Variants in SYT6 observed in about 807,000 individuals in gnomAD.
SYT6 encodes the protein synaptotagmin-6.
Under a neutral mutation model 38.4 loss-of-function variants are expected in SYT6, and 24 were observed. The ratio of observed to expected loss-of-function variants is 0.62; its 90% CI spans 0.45 to 0.88. SYT6 has a LOEUF of 0.88. Among genes scored for constraint, SYT6 ranks in the 40% least tolerant of loss-of-function variants. SYT6 has a pLI of 0.00. For synonymous variants in SYT6, 265 were observed against 241.9 expected (o/e 1.10, Z -0.89); for missense variants, 611 against 621.0 (o/e 0.98, Z 0.17).
intron 3 of SYT6, among the ~76,000 whole-genome samples, chr1:114,116,585 G>A (rs1677010183): frequency 6.6e-6 from 1 of 152,202 alleles, no homozygotes; most frequent in Non-Finnish European, 1.5e-5. Context: ...TCTTGGGAGA[G>A]TTGAAGGTGT....
intron 3 of SYT6, among the ~76,000 whole-genome samples, chr1:114,104,670 A>G (rs1192014323): frequency 1.3e-5 from 2 of 151,840 alleles, no homozygotes; most frequent in African/African-American, 4.8e-5. Flanking sequence ...GAGGCCCTCC[A>G]TCCATCCATC....
At chr1:114,118,919 TCA>T (rs1677177461) in intron 3 of SYT6, among the ~76,000 whole-genome samples, 2 of 152,240 alleles carry the variant, frequency 1.3e-5, no homozygotes, top group South Asian at 4.2e-4. Context: ...CAGCGAGAAA[TCA>T]CAGATTCCTG....
chr1:114,102,644 C>T (rs1676038050), intron 4 of SYT6, among the ~76,000 whole-genome samples: 1 of 151,996 alleles, frequency 6.6e-6, no homozygotes, highest in South Asian at 2.1e-4. Context: ...AATATATTCC[C>T]AGCTAAGTTC....
intron 1 of SYT6, among the ~76,000 whole-genome samples, chr1:114,145,174 A>C (rs1198040416): frequency 3.1e-4 from 47 of 152,356 alleles, no homozygotes; most frequent in East Asian, 3.9e-4. Flanking sequence ...ATAATCTTTA[A>C]AAGAAATCAA....
chr1:114,115,455 C>T (rs571228993), intron 3 of SYT6, among the ~76,000 whole-genome samples: 17 of 148,692 alleles, frequency 1.1e-4, no homozygotes, highest in Admixed American at 4.7e-4. Context: ...CTCGCTCTGT[C>T]GCCCAGGCTG....
intron 4 of SYT6, among the ~76,000 whole-genome samples, chr1:114,100,793 A>G (rs1272947267): frequency 1.3e-5 from 2 of 152,246 alleles, no homozygotes; most frequent in Non-Finnish European, 2.9e-5. Context: ...ACAGATGGGC[A>G]GAGCTAGCCC....
At chr1:114,107,227 G>T (rs995180488) in intron 3 of SYT6, among the ~76,000 whole-genome samples, 11 of 152,206 alleles carry the variant, frequency 7.2e-5, no homozygotes, top group Non-Finnish European at 1.0e-4. Flanking sequence ...GGTCCCTCGG[G>T]GTAAACAGCA....
intron 3 of SYT6, among the ~76,000 whole-genome samples, chr1:114,115,977 G>A (rs888010854): frequency 1.3e-5 from 2 of 152,106 alleles, no homozygotes; most frequent in African/African-American, 4.8e-5. Flanking sequence ...GGGCTGCCGA[G>A]GACCGTGTAG....
At chr1:114,112,025 G>A (rs1027101195) in intron 3 of SYT6, among the ~76,000 whole-genome samples, 4 of 152,126 alleles carry the variant, frequency 2.6e-5, no homozygotes, top group Non-Finnish European at 4.4e-5. Flanking sequence ...TGTGACGCTC[G>A]GGGCTTCCTG....
intron 3 of SYT6, among the ~76,000 whole-genome samples, chr1:114,124,035 A>C (rs1677576484): frequency 6.6e-6 from 1 of 152,202 alleles, no homozygotes; most frequent in South Asian, 2.1e-4. Context: ...GACTTGCAGA[A>C]CTGGGAGGGT....
chr1:114,112,485 G>T (rs1384347303), intron 3 of SYT6, among the ~76,000 whole-genome samples: 1 of 152,234 alleles, frequency 6.6e-6, no homozygotes, highest in Non-Finnish European at 1.5e-5. Flanking sequence ...ATATCCGTGA[G>T]TCAGAACACA....
intron 3 of SYT6, among the ~76,000 whole-genome samples, chr1:114,133,874 G>A (rs899802381): frequency 7.9e-5 from 12 of 152,060 alleles, no homozygotes; most frequent in Non-Finnish European, 1.3e-4. Context: ...TAGACTCCTC[G>A]GATGTGTACC....
chr1:114,093,975 G>A (rs975980440), intron 6 of SYT6, among the ~76,000 whole-genome samples, 172 bp from the exon 7 acceptor site: 7 of 152,098 alleles, frequency 4.6e-5, no homozygotes, highest in African/African-American at 1.7e-4. Context: ...GTTGGTGAAA[G>A]GTACATTATA....
intron 6 of SYT6, 74 bp downstream of exon 6, chr1:114,097,653 C>T: frequency 6.4e-7 from 1 of 1,567,516 alleles, no homozygotes; most frequent in Non-Finnish European, 8.7e-7. Context: ...GAGGGTGTCA[C>T]TGCAGCTGAC....
At chr1:114,094,472 C>A (rs1325171196) in intron 6 of SYT6, among the ~76,000 whole-genome samples, 1 of 152,164 alleles carries the variant, frequency 6.6e-6, no homozygotes, top group Non-Finnish European at 1.5e-5. Context: ...ACAATGATGA[C>A]ACATGGCTCT....
At chr1:114,138,619 G>C (rs1434919440) in intron 2 of SYT6, among the ~76,000 whole-genome samples, 4 of 152,196 alleles carry the variant, frequency 2.6e-5, no homozygotes, top group African/African-American at 9.7e-5. Context: ...CCATAAAAAC[G>C]AGGATAATAA....
chr1:114,151,303 G>A (rs958636622), intron 1 of SYT6, among the ~76,000 whole-genome samples: 5 of 152,180 alleles, frequency 3.3e-5, no homozygotes, highest in Admixed American at 3.3e-4. Context: ...GGGCTTCCTG[G>A]GACTTGTGAC....
Position 114,091,745 on chromosome 1 carries a change from CTTT to C in SYT6, c.*386_*388del. 1 of 258,702 alleles carries C rather than the reference CTTT, an allele frequency of 3.9e-6. No homozygotes were observed. Among genetic ancestry groups the C allele is most frequent in the Non-Finnish European group, 7.2e-6 (1 of 139,504 alleles). The allele number at this position is 258,702 out of a possible 1,614,324, so 16.0% of individuals were successfully genotyped here. On this transcript the variant is annotated 3_prime_UTR_variant, in exon 8 of 8. Coordinates refer to ENST00000610222, the MANE Select transcript of SYT6 (RefSeq NM_001253772.2). ...TTTCCACCCTTTGTCTTTTCCTACT[CTTT>C]TTTTTTTTCCCTTTTCTTACCAGCA...
intron 3 of SYT6, among the ~76,000 whole-genome samples, chr1:114,113,616 C>T (rs554520092): frequency 6.6e-6 from 1 of 152,322 alleles, no homozygotes; most frequent in East Asian, 1.9e-4. Flanking sequence ...ATCTGCCTTC[C>T]TCTTTTGGAT....
Sources: allele counts gnomAD v4.1 joint callset (sites outside exome capture counted in the v4.1 genomes callset), GRCh38; gene constraint gnomAD v4.1.1; transcripts MANE v1.5; gene names NCBI Gene and HGNC (gene_info 2026-07-23, HGNC 2026-07-21).